The following SPAG16 variants were observed in gnomAD, a reference collection of about 807,000 sequenced individuals.
The protein encoded by SPAG16 is sperm-associated antigen 16 protein.
A neutral mutation model predicts 80.4 loss-of-function variants in SPAG16; 86 were observed. That is an observed-to-expected ratio of 1.07 (90% confidence interval 0.90 to 1.28). SPAG16 has a LOEUF of 1.28. SPAG16 is among the 50% of genes most tolerant of loss of function. The probability of loss-of-function intolerance (pLI) is 0.00; values close to 1 mark genes in which losing one functional copy is unlikely to be tolerated. For missense variants in SPAG16, 870 were observed against 765.3 expected, an observed-to-expected ratio of 1.14 and a Z score of -1.61; for synonymous variants, 294 against 265.9, an observed-to-expected ratio of 1.11 and a Z score of -1.03.
chr2:213,510,312 A>G (rs1409712160), intron 10 of SPAG16, among the ~76,000 whole-genome samples: 1 of 152,172 alleles, frequency 6.6e-6, no homozygotes, highest in East Asian at 1.9e-4. Context: ...TGATTTTAAT[A>G]TAAGTACTTG....
At chr2:213,429,375 A>G (rs2070148939) in intron 9 of SPAG16, among the ~76,000 whole-genome samples, 1 of 151,992 alleles carries the variant, frequency 6.6e-6, no homozygotes, top group Non-Finnish European at 1.5e-5. Flanking sequence ...CCTTCCCACA[A>G]TGCTGGACCA....
chr2:213,983,741 C>A (rs1359397864), intron 12 of SPAG16, among the ~76,000 whole-genome samples: 1 of 151,942 alleles, frequency 6.6e-6, no homozygotes, highest in Non-Finnish European at 1.5e-5. Context: ...GTCATTTCAA[C>A]ATTATGTATT....
chr2:214,344,416 T>C (rs900066687), intron 15 of SPAG16, among the ~76,000 whole-genome samples: 1 of 152,170 alleles, frequency 6.6e-6, no homozygotes, highest in Non-Finnish European at 1.5e-5. Flanking sequence ...TATGAATTGC[T>C]TGGAGAAATT....
intron 13 of SPAG16, among the ~76,000 whole-genome samples, chr2:214,019,538 A>G (rs2047753483): frequency 6.6e-6 from 1 of 152,190 alleles, no homozygotes; most frequent in Non-Finnish European, 1.5e-5. Flanking sequence ...CAAAAGATCC[A>G]GTAACTTGTC....
At chr2:213,933,072 C>A (rs1234925652) in intron 12 of SPAG16, among the ~76,000 whole-genome samples, 1 of 151,376 alleles carries the variant, frequency 6.6e-6, no homozygotes, top group Admixed American at 6.6e-5. Flanking sequence ...GTAAATATGG[C>A]AAAAGTATTC....
chr2:214,233,964 A>G (rs1688890472), intron 15 of SPAG16, among the ~76,000 whole-genome samples: 1 of 152,012 alleles, frequency 6.6e-6, no homozygotes, highest in Non-Finnish European at 1.5e-5. Flanking sequence ...GGCTTGCTAC[A>G]CAGATCATCC....
intron 10 of SPAG16, among the ~76,000 whole-genome samples, chr2:213,644,570 G>A (rs567864188): frequency 6.6e-5 from 10 of 152,340 alleles, no homozygotes; most frequent in Admixed American, 2.0e-4. Flanking sequence ...CCCAAACCCA[G>A]TAATGCTGTG....
intron 10 of SPAG16, among the ~76,000 whole-genome samples, chr2:213,684,053 C>T (rs1297648710): frequency 6.6e-6 from 1 of 152,180 alleles, no homozygotes; most frequent in Non-Finnish European, 1.5e-5. Flanking sequence ...AGGCTGACAA[C>T]ATTGGATTGG....
intron 13 of SPAG16, among the ~76,000 whole-genome samples, chr2:214,028,557 T>C (rs1294585609): frequency 6.6e-6 from 1 of 152,056 alleles, no homozygotes; most frequent in Admixed American, 6.6e-5. Flanking sequence ...TCCTAATACT[T>C]AGTTATAATT....
rs1350830397 is a variant in SPAG16, at chr2:214,222,075, T to A, written c.1720+72809T>A. On this transcript the variant is annotated intron_variant, in intron 15 of 15. Coordinates refer to ENST00000331683, the MANE Select transcript of SPAG16 (RefSeq NM_024532.5). Reference sequence around the variant, plus strand: ...GTACATCTATCTCACAGCTAAGACATTAAAATGTGTTGAGAAATTAGTTTC... The same window carrying A: ...GTACATCTATCTCACAGCTAAGACAATAAAATGTGTTGAGAAATTAGTTTC... Among the ~76,000 whole-genome samples, 4 of 150,576 alleles carry A rather than the reference T, an allele frequency of 2.7e-5. No individual in the cohort carries two copies. The East Asian group carries it at 5.8e-4, about 22-fold the overall frequency.
At chr2:214,257,703 G>A (rs752216784) in intron 15 of SPAG16, among the ~76,000 whole-genome samples, 9 of 152,002 alleles carry the variant, frequency 5.9e-5, no homozygotes, top group Non-Finnish European at 1.3e-4. Flanking sequence ...TTATCATGAT[G>A]CATTGTTCTT....
intron 6 of SPAG16, among the ~76,000 whole-genome samples, chr2:213,343,784 C>T (rs745616704): frequency 1.3e-5 from 2 of 151,876 alleles, no homozygotes; most frequent in Admixed American, 1.3e-4. Context: ...GGAAAATGAT[C>T]CAACTGGTGC....
At chr2:214,021,274 G>A (rs929384268) in intron 13 of SPAG16, among the ~76,000 whole-genome samples, 2 of 152,180 alleles carry the variant, frequency 1.3e-5, no homozygotes, top group Admixed American at 6.6e-5. Flanking sequence ...AAGGACTAGT[G>A]TATTAATCTG....
intron 15 of SPAG16, among the ~76,000 whole-genome samples, chr2:214,379,972 C>CATAA (rs1700354695): frequency 6.6e-6 from 1 of 152,138 alleles, no homozygotes; most frequent in Non-Finnish European, 1.5e-5. Context: ...ACTTAATGGA[C>CATAA]ATAAATAAGC....
intron 12 of SPAG16, among the ~76,000 whole-genome samples, chr2:213,949,328 C>G (rs2079630885): frequency 6.6e-6 from 1 of 151,426 alleles, no homozygotes; most frequent in Non-Finnish European, 1.5e-5. Flanking sequence ...GCCACCACGC[C>G]CAGCTAATTT....
At chr2:214,354,508 T>G (rs1698644551) in intron 15 of SPAG16, among the ~76,000 whole-genome samples, 1 of 152,164 alleles carries the variant, frequency 6.6e-6, no homozygotes, top group Admixed American at 6.5e-5. Flanking sequence ...ATATGAACTT[T>G]AAAGTAGTTT....
intron 6 of SPAG16, among the ~76,000 whole-genome samples, chr2:213,348,265 G>A (rs559653980): frequency 6.6e-6 from 1 of 152,198 alleles, no homozygotes; most frequent in South Asian, 2.1e-4. Flanking sequence ...TTGAGCCTAT[G>A]TGTGTCTCTG....
chr2:213,485,475 C>T (rs1288432097), intron 9 of SPAG16, among the ~76,000 whole-genome samples: 1 of 151,982 alleles, frequency 6.6e-6, no homozygotes, highest in Non-Finnish European at 1.5e-5. Flanking sequence ...CATTTTATCT[C>T]CTCTTTTCCA....
At chr2:213,733,244 G>A (rs757616504) in intron 10 of SPAG16, among the ~76,000 whole-genome samples, 4 of 148,378 alleles carry the variant, frequency 2.7e-5, no homozygotes, top group Non-Finnish European at 6.0e-5. Context: ...GTAAATTTAA[G>A]TTCCTTATAG....
Sources: allele counts gnomAD v4.1 joint callset (sites outside exome capture counted in the v4.1 genomes callset), GRCh38; gene constraint gnomAD v4.1.1; transcripts MANE v1.5; gene names NCBI Gene and HGNC (gene_info 2026-07-23, HGNC 2026-07-21).